PPP2CA: variants seen among roughly 807,000 people sequenced by gnomAD.
PPP2CA encodes the protein protein phosphatase 2 catalytic subunit alpha, also known as serine/threonine-protein phosphatase 2A catalytic subunit alpha isoform.
Under a neutral mutation model 38.8 loss-of-function variants are expected in PPP2CA, and 5 were observed. The ratio of observed to expected loss-of-function variants is 0.13; its 90% CI spans 0.07 to 0.27. The LOEUF (loss-of-function observed/expected upper bound fraction) is 0.27, where lower values mean the gene tolerates loss of function less well. PPP2CA is among the 10% of genes least tolerant of loss of function. The pLI, the probability that PPP2CA is intolerant of heterozygous loss-of-function variation, is 1.00. For synonymous variants in PPP2CA, 152 were observed against 134.0 expected, an observed-to-expected ratio of 1.13 and a Z score of -0.93; for missense variants, 88 against 389.7, an observed-to-expected ratio of 0.23 and a Z score of 6.52.
intron 1 of PPP2CA, among the ~76,000 whole-genome samples, chr5:134,208,440 T>C (rs1262522269): frequency 6.6e-6 from 1 of 152,240 alleles, no homozygotes; most frequent in African/African-American, 2.4e-5. Flanking sequence ...TAATACATTC[T>C]TGTAAAAAAT....
chr5:134,204,775 T>C (rs371613370), intron 2 of PPP2CA, among the ~76,000 whole-genome samples: 34 of 152,158 alleles, frequency 2.2e-4, no homozygotes, highest in East Asian at 9.6e-4. Context: ...GTCTAGATTA[T>C]TACTGTCATG....
At chr5:134,203,270 T>C (rs940268773) in intron 2 of PPP2CA, among the ~76,000 whole-genome samples, 2 of 152,232 alleles carry the variant, frequency 1.3e-5, no homozygotes, top group Non-Finnish European at 2.9e-5. Context: ...TCTAGAAGTT[T>C]TGTAGCTTTA....
chr5:134,225,547 G>T (rs771948955), intron 1 of PPP2CA: 29 of 489,292 alleles, frequency 5.9e-5, no homozygotes, highest in Non-Finnish European at 9.4e-5. Flanking sequence ...AGTGAACGGC[G>T]CCATTTTAGG....
At chr5:134,223,572 TA>T (rs1361950593) in intron 1 of PPP2CA, among the ~76,000 whole-genome samples, 1 of 152,180 alleles carries the variant, frequency 6.6e-6, no homozygotes, top group East Asian at 1.9e-4. Flanking sequence ...CACTCAGAAC[TA>T]AAATTTGCGT....
chr5:134,208,785 A>G (rs1316962808), intron 1 of PPP2CA, among the ~76,000 whole-genome samples: 1 of 152,232 alleles, frequency 6.6e-6, no homozygotes, highest in Non-Finnish European at 1.5e-5. Flanking sequence ...CACATACTGT[A>G]TGTCTACAGA....
chr5:134,197,855 A>C lies in PPP2CA; in HGVS notation c.858-11T>G. On this transcript the variant is annotated splice_polypyrimidine_tract_variant and intron_variant, in intron 6 of 6. Coordinates refer to ENST00000481195, the MANE Select transcript of PPP2CA (RefSeq NM_002715.4). ...GGGTCAAACTGCAAGCTGAAAAACA[A>C]GACCGATTCATGGTTTATGTTCCAC... The C allele has an allele frequency of 6.2e-7, 1 of 1,613,154 alleles. No homozygotes were observed. The highest frequency in any genetic ancestry group is 8.5e-7 in the Non-Finnish European group (1 of 1,179,176).
At chr5:134,213,107 A>C (rs185516734) in intron 1 of PPP2CA, among the ~76,000 whole-genome samples, 1 of 152,358 alleles carries the variant, frequency 6.6e-6, no homozygotes, top group African/African-American at 2.4e-5. Flanking sequence ...AATGTAGACG[A>C]AATAGCCTTC....
intron 2 of PPP2CA, chr5:134,205,718 T>G: frequency 2.0e-6 from 1 of 510,034 alleles, no homozygotes; most frequent in Non-Finnish European, 3.5e-6. Flanking sequence ...GCATTCATTC[T>G]CCTCCTTTTG....
chr5:134,218,783 C>T (rs1762374516), intron 1 of PPP2CA, among the ~76,000 whole-genome samples: 1 of 152,088 alleles, frequency 6.6e-6, no homozygotes, highest in East Asian at 1.9e-4. Context: ...ATTCTCCTGC[C>T]TCAGCCTCCC....
intron 1 of PPP2CA, among the ~76,000 whole-genome samples, chr5:134,220,844 C>G (rs1238997022): frequency 6.6e-6 from 1 of 152,176 alleles, no homozygotes; most frequent in Admixed American, 6.5e-5. Flanking sequence ...CCACATACTC[C>G]TGAAGGGTCC....
At chr5:134,204,437 T>C (rs1463447975) in intron 2 of PPP2CA, among the ~76,000 whole-genome samples, 4 of 152,226 alleles carry the variant, frequency 2.6e-5, no homozygotes, top group Non-Finnish European at 5.9e-5. Context: ...AACTTGCTTT[T>C]TTCGGTTATC....
At chr5:134,222,623 C>A (rs1317684547) in intron 1 of PPP2CA, among the ~76,000 whole-genome samples, 1 of 151,968 alleles carries the variant, frequency 6.6e-6, no homozygotes, top group African/African-American at 2.4e-5. Flanking sequence ...CAAGCTAAAA[C>A]AAAGCTGAAG....
intron 1 of PPP2CA, among the ~76,000 whole-genome samples, chr5:134,212,015 G>A (rs1227203704): frequency 6.6e-6 from 1 of 152,154 alleles, no homozygotes; most frequent in Non-Finnish European, 1.5e-5. Context: ...AGCTACTTGG[G>A]AGGCTGAGGT....
intron 1 of PPP2CA, among the ~76,000 whole-genome samples, chr5:134,222,263 C>T (rs1304087022): frequency 6.6e-6 from 1 of 152,142 alleles, no homozygotes; most frequent in East Asian, 1.9e-4. Context: ...CCCCCACCTG[C>T]TTGTCCTCAA....
At chr5:134,204,714 C>T (rs564944219) in intron 2 of PPP2CA, among the ~76,000 whole-genome samples, 2 of 152,198 alleles carry the variant, frequency 1.3e-5, no homozygotes, top group South Asian at 4.2e-4. Context: ...CCGCCTTCCC[C>T]AGCCTCCCAA....
At chr5:134,204,106 G>T (rs572021368) in intron 2 of PPP2CA, among the ~76,000 whole-genome samples, 1 of 152,246 alleles carries the variant, frequency 6.6e-6, no homozygotes, top group Admixed American at 6.5e-5. Flanking sequence ...ATATTTCGTA[G>T]GACTTTACAC....
intron 6 of PPP2CA, among the ~76,000 whole-genome samples, chr5:134,198,713 G>T (rs1761911730): frequency 6.6e-6 from 1 of 152,016 alleles, no homozygotes; most frequent in East Asian, 2.0e-4. Flanking sequence ...TTACAGGCAG[G>T]CGCCACCATG....
chr5:134,215,488 T>A (rs1273241258), intron 1 of PPP2CA, among the ~76,000 whole-genome samples: 2 of 152,132 alleles, frequency 1.3e-5, no homozygotes, highest in Non-Finnish European at 2.9e-5. Context: ...GGCAGGAGAA[T>A]CGCTTGAACC....
chr5:134,218,025 G>C (rs1247940287), intron 1 of PPP2CA, among the ~76,000 whole-genome samples: 1 of 152,112 alleles, frequency 6.6e-6, no homozygotes. Context: ...GTCACCAGGT[G>C]ATAGGAATTT....
Sources: allele counts gnomAD v4.1 joint callset (sites outside exome capture counted in the v4.1 genomes callset), GRCh38; gene constraint gnomAD v4.1.1; transcripts MANE v1.5; gene names NCBI Gene and HGNC (gene_info 2026-07-23, HGNC 2026-07-21).